The following NCKAP1L variants were observed in gnomAD, a reference collection of about 807,000 sequenced individuals.
NCKAP1L encodes the protein nck-associated protein 1-like.
Under a neutral mutation model 139.2 loss-of-function variants are expected in NCKAP1L, and 53 were observed. That is an observed-to-expected ratio of 0.38 (90% CI 0.31 to 0.48). The LOEUF (loss-of-function observed/expected upper bound fraction) is 0.48, where lower values mean the gene tolerates loss of function less well. Among genes scored for constraint, NCKAP1L ranks in the 20% least tolerant of loss-of-function variants. The pLI is 0.98. For missense variants in NCKAP1L, 1,151 were observed against 1,381.9 expected, an observed-to-expected ratio of 0.83 and a Z score of 2.65; for synonymous variants, 468 against 499.7, an observed-to-expected ratio of 0.94 and a Z score of 0.85.
In NCKAP1L at chr12:54,526,427, A is replaced by C; in HGVS notation, c.2157-101A>C. 3.3e-6 allele frequency: 3 copies of C among 904,650 alleles called. No individual in the cohort carries two copies. In the East Asian group the frequency reaches 7.8e-5, roughly 23 times the overall value. 56.0% of individuals were successfully genotyped at this position (904,650 alleles called of 1,614,324 possible). A position where few individuals can be genotyped will look rare whatever the true frequency, so the allele number is the denominator to read the frequency against. On this transcript the variant is annotated intron_variant, in intron 20 of 30. Transcript: ENST00000293373. ...TTTACATGAGATAATATGTGTAGTAAAATCCTAGCACAGCACCTGGAACAC... is the reference window on the plus strand; with the variant it reads ...TTTACATGAGATAATATGTGTAGTACAATCCTAGCACAGCACCTGGAACAC...
Position 54,523,882 on chromosome 12 carries a change from C to T in NCKAP1L, c.2082C>T (p.Tyr694=). The part of the protein sequence containing the change: ...TELALTMNHV[Y]SFSVFEHTIF... ...TGGCACTGACAATGAATCATGTATA[C>T]AGTTTCTCCGTGTTTGAACATACTA... Residue 694 remains tyrosine (Y), a synonymous_variant, in exon 20 of 31, where the codon TAC becomes TAT. Transcript: ENST00000293373. 6.2e-7 allele frequency: 1 copy of T among 1,614,126 alleles called. No homozygotes were observed. Among genetic ancestry groups the T allele is most frequent in the Non-Finnish European group, 8.5e-7 (1 of 1,179,964 alleles).
intron 18 of NCKAP1L, among the ~76,000 whole-genome samples, chr12:54,521,886 ATGTGTG>A (rs34410189): frequency 2.7e-5 from 4 of 147,206 alleles, no homozygotes; most frequent in Admixed American, 1.4e-4. Context: ...GAGTGTGTGT[ATGTGTG>A]TGTGTGTGTG....
intron 29 of NCKAP1L, among the ~76,000 whole-genome samples, chr12:54,538,638 G>A (rs754324733): frequency 1.3e-5 from 2 of 152,174 alleles, no homozygotes; most frequent in Non-Finnish European, 2.9e-5. Flanking sequence ...CCTGCCCCTT[G>A]CAATCTCTCC....
In NCKAP1L at chr12:54,520,772, C is replaced by G; in HGVS notation, c.1704C>G (p.Phe568Leu). 2 of 1,614,038 alleles carry G rather than the reference C, an allele frequency of 1.2e-6. No individual in the cohort carries two copies. Among genetic ancestry groups the G allele is most frequent in the Non-Finnish European group, 1.7e-6 (2 of 1,180,000 alleles). The change falls in exon 17 of 31, where the codon TTC becomes TTG. Residue 568 changes from phenylalanine to leucine, a missense_variant. Phe to Leu is a conservative substitution (Grantham distance 22). Transcript: ENST00000293373. ...CCATGTTGCGTTATGCCATTGCTTT[C>G]CCCCTGATTTGTGCTCACTTTGTCC... ...ESAMLRYAIA[F>L]PLICAHFVHC...
chr12:54,522,784 GTCACCC>G (rs1956994841), intron 18 of NCKAP1L, among the ~76,000 whole-genome samples: 1 of 152,192 alleles, frequency 6.6e-6, no homozygotes, highest in Non-Finnish European at 1.5e-5. Flanking sequence ...GAGAATTCCA[GTCACCC>G]TGAAGGAGAT....
In NCKAP1L at chr12:54,517,650, C is replaced by A; in HGVS notation, c.1205+8C>A. 1 of 1,603,550 alleles carries A rather than the reference C, an allele frequency of 6.2e-7. No individual in the cohort carries two copies. The highest frequency in any genetic ancestry group is 8.5e-7 in the Non-Finnish European group (1 of 1,170,378). On this transcript the variant is annotated splice_region_variant and intron_variant, in intron 12 of 30. Transcript: ENST00000293373. ...TGAGGACTATGCTGACTCGTTAGTA[C>A]TTGACATGGCTAAGAACCTTGTCCT...
intron 9 of NCKAP1L, among the ~76,000 whole-genome samples, chr12:54,513,342 A>G (rs1956903750): frequency 6.6e-6 from 1 of 152,210 alleles, no homozygotes; most frequent in African/African-American, 2.4e-5. Context: ...GGGACACTGA[A>G]GACAGATGTG....
At chr12:54,520,938 A>G (rs1285167748) in intron 17 of NCKAP1L, 112 bp downstream of exon 17, 2 of 1,492,396 alleles carry the variant, frequency 1.3e-6, no homozygotes, top group Non-Finnish European at 1.9e-6. Flanking sequence ...ACATAGATGT[A>G]TGATATGAGT....
chr12:54,510,086 G>T, intron 7 of NCKAP1L, 101 bp downstream of exon 7: 13 of 1,390,140 alleles, frequency 9.4e-6, no homozygotes, highest in Non-Finnish European at 1.2e-5. Flanking sequence ...ACTAAAGAAT[G>T]CTTTAGTCTT....
At chr12:54,507,776 C>G in intron 3 of NCKAP1L, 77 bp from the exon 4 acceptor site, 1 of 1,353,918 alleles carries the variant, frequency 7.4e-7, no homozygotes, top group Non-Finnish European at 1.1e-6. Flanking sequence ...GGGAGAGGTC[C>G]CTTTCCCTCA....
At chr12:54,516,819 A>T in intron 10 of NCKAP1L, 77 bp from the exon 11 acceptor site, 1 of 1,276,446 alleles carries the variant, frequency 7.8e-7, no homozygotes, top group Non-Finnish European at 1.1e-6. Context: ...TCCTAAATAT[A>T]GCTTTCTTCT....
At chr12:54,524,615 C>G (rs1957012759) in intron 20 of NCKAP1L, among the ~76,000 whole-genome samples, 1 of 152,082 alleles carries the variant, frequency 6.6e-6, no homozygotes, top group Non-Finnish European at 1.5e-5. Context: ...ATTCATTCAA[C>G]AAATGTTTAT....
intron 7 of NCKAP1L, among the ~76,000 whole-genome samples, chr12:54,510,788 C>T (rs547515013): frequency 2.0e-5 from 3 of 151,618 alleles, no homozygotes; most frequent in East Asian, 1.9e-4. Flanking sequence ...TCCCAAAGTG[C>T]TGGGATTACA....
At chr12:54,524,218 A>C (rs1265826084) in intron 20 of NCKAP1L, among the ~76,000 whole-genome samples, 3 of 152,198 alleles carry the variant, frequency 2.0e-5, no homozygotes, top group African/African-American at 7.2e-5. Flanking sequence ...TAGAATGAGC[A>C]AGGCCTTTGC....
intron 14 of NCKAP1L, 77 bp from the exon 15 acceptor site, chr12:54,518,837 G>A: frequency 1.3e-6 from 2 of 1,505,844 alleles, no homozygotes; most frequent in Non-Finnish European, 1.8e-6. Flanking sequence ...TGTTTTTGAA[G>A]AGGATCTACC....
At chr12:54,531,982 T>A (rs770697007) in intron 25 of NCKAP1L, among the ~76,000 whole-genome samples, 157 bp downstream of exon 25, 14 of 151,810 alleles carry the variant, frequency 9.2e-5, no homozygotes, top group East Asian at 1.9e-4. Context: ...TTGGCAGAGA[T>A]CCTAGAAGAT....
At chr12:54,513,380 A>C (rs960571136) in intron 9 of NCKAP1L, among the ~76,000 whole-genome samples, 2 of 152,176 alleles carry the variant, frequency 1.3e-5, no homozygotes, top group Non-Finnish European at 2.9e-5. Flanking sequence ...TGGTTCTGGA[A>C]CTTGGGAGTG....
chr12:54,542,761 C>A lies in NCKAP1L; in HGVS notation c.*76C>A. 1 of 689,948 alleles carries A rather than the reference C, an allele frequency of 1.4e-6. No homozygotes were observed. Among genetic ancestry groups the A allele is most frequent in the South Asian group, 1.4e-5 (1 of 69,582 alleles). 42.7% of individuals were successfully genotyped at this position (689,948 alleles called of 1,614,324 possible). Reference sequence around the variant, plus strand: ...CCATAGTGGAAGCTGTGGTCACTTTCGCAGGGGGTGGGAATGGGGTGGGGT... The same window carrying A: ...CCATAGTGGAAGCTGTGGTCACTTTAGCAGGGGGTGGGAATGGGGTGGGGT... On this transcript the variant is annotated 3_prime_UTR_variant, in exon 31 of 31. Transcript: ENST00000293373.
chr12:54,506,618 G>T (rs1198436919), intron 3 of NCKAP1L, among the ~76,000 whole-genome samples: 2 of 146,824 alleles, frequency 1.4e-5, no homozygotes, highest in African/African-American at 5.0e-5. Context: ...ATTTTTAGTA[G>T]AGATGGGGTT....
Sources: gnomAD v4.1 joint callset for allele counts (sites outside exome capture counted in the v4.1 genomes callset) on GRCh38, gnomAD v4.1.1 for gene constraint, MANE v1.5 for transcripts, NCBI Gene and HGNC (gene_info 2026-07-23, HGNC 2026-07-21) for gene names.